Variants in ATP2A2 observed in about 807,000 individuals in gnomAD.
ATP2A2 encodes sarcoplasmic/endoplasmic reticulum calcium ATPase 2.
A neutral mutation model predicts 109.3 loss-of-function variants in ATP2A2; 14 were observed. The observed-to-expected ratio is 0.13, with a 90% CI of 0.08 to 0.20. ATP2A2 has a LOEUF of 0.20. ATP2A2 is among the 10% of genes least tolerant of loss of function. ATP2A2 has a pLI of 1.00. For synonymous variants in ATP2A2, 506 were observed against 490.9 expected, an observed-to-expected ratio of 1.03 and a Z score of -0.41; for missense variants, 657 against 1,321.6, an observed-to-expected ratio of 0.50 and a Z score of 7.80.
chr12:110,348,866 A>T lies in ATP2A2; in HGVS notation c.*2396A>T. The T allele has an allele frequency of 1.4e-5, 14 of 985,446 alleles. No homozygotes were observed. Among genetic ancestry groups the T allele is most frequent in the Non-Finnish European group, 1.7e-5 (14 of 829,956 alleles). The allele number at this position is 985,446 out of a possible 1,614,324, so 61.0% of individuals were successfully genotyped here. ...AACAAGAAATGGGTTGAATGGGCCA[A>T]ATGCAAGGAGTGCATCTCTGGGCTG... On this transcript the variant is annotated 3_prime_UTR_variant, in exon 20 of 20. Transcript: ENST00000539276.
chr12:110,281,716 C>A lies in ATP2A2; in HGVS notation c.-74C>A, dbSNP rs1872104831. On this transcript the variant is annotated 5_prime_UTR_variant, in exon 1 of 20. Coordinates refer to ENST00000539276, the MANE Select transcript of ATP2A2 (RefSeq NM_170665.4). The stretch of plus-strand genomic sequence containing the variant: ...CCTGGGCTCCCGGGGTGGCACGAGC[C>A]CGCGGCCGGAGTGCGAGGCGGAGGC... 9.0e-7 allele frequency: 1 copy of A among 1,111,338 alleles called. No individual in the cohort carries two copies. Among genetic ancestry groups the A allele is most frequent in the Non-Finnish European group, 1.2e-6 (1 of 832,504 alleles). 68.8% of individuals were successfully genotyped at this position (1,111,338 alleles called of 1,614,324 possible). A position where few individuals can be genotyped will look rare whatever the true frequency, so the allele number is the denominator to read the frequency against.
At chr12:110,345,039 T>C in intron 17 of ATP2A2, 68 bp downstream of exon 17, 1 of 1,549,636 alleles carries the variant, frequency 6.5e-7, no homozygotes, top group Non-Finnish European at 8.9e-7. Flanking sequence ...TTTCTGTGGT[T>C]TCGGTATCTA....
intron 5 of ATP2A2, among the ~76,000 whole-genome samples, chr12:110,322,756 T>C (rs1183052593): frequency 6.6e-6 from 1 of 152,210 alleles, no homozygotes; most frequent in East Asian, 1.9e-4. Flanking sequence ...ATAATGTAGT[T>C]AGGTTTCCTT....
chr12:110,350,479 G>C lies in ATP2A2; in HGVS notation c.*4009G>C. ...GGAAATGTGTATTACCAATGGGGTT[G>C]TTAGCTTTTAAATCAAAATACTGAT... is the stretch of plus-strand genomic sequence containing the variant. On this transcript the variant is annotated 3_prime_UTR_variant, in exon 20 of 20. Transcript: ENST00000539276. The C allele has an allele frequency of 1.0e-6, 1 of 993,932 alleles. No individual in the cohort carries two copies. 61.6% of individuals were successfully genotyped at this position (993,932 alleles called of 1,614,324 possible).
chr12:110,297,360 T>C (rs1874069837), intron 5 of ATP2A2, among the ~76,000 whole-genome samples: 1 of 144,792 alleles, frequency 6.9e-6, no homozygotes, highest in Admixed American at 7.3e-5. Flanking sequence ...CGCTTGAACC[T>C]GGGAGGCGGA....
chr12:110,322,891 CATTT>C, intron 5 of ATP2A2, 97 bp from the exon 6 acceptor site: 1 of 871,780 alleles, frequency 1.1e-6, no homozygotes, highest in East Asian at 2.5e-5. Flanking sequence ...ATATGCAGAT[CATTT>C]ATTTTCTTTA....
At chr12:110,294,178 G>C (rs1265932283) in intron 4 of ATP2A2, among the ~76,000 whole-genome samples, 1 of 151,874 alleles carries the variant, frequency 6.6e-6, no homozygotes, top group Non-Finnish European at 1.5e-5. Flanking sequence ...CGAATAGCTG[G>C]GATTACAGGT....
At chr12:110,284,559 G>A (rs539993739) in intron 3 of ATP2A2, among the ~76,000 whole-genome samples, 1 of 152,244 alleles carries the variant, frequency 6.6e-6, no homozygotes, top group South Asian at 2.1e-4. Context: ...AATGATGTGT[G>A]TGGGTTTTGT....
chr12:110,334,354 G>C (rs954222509), intron 11 of ATP2A2: 1 of 651,132 alleles, frequency 1.5e-6, no homozygotes, highest in Non-Finnish European at 2.6e-6. Context: ...TAATTTCCTT[G>C]AGCGACCCTC....
intron 8 of ATP2A2, chr12:110,329,716 C>G (rs1268531409): frequency 6.6e-6 from 1 of 152,182 alleles, no homozygotes; most frequent in African/African-American, 2.4e-5. Context: ...GCCCCCGCGC[C>G]CGGCCATCCT....
chr12:110,345,101 G>A, intron 17 of ATP2A2, 130 bp downstream of exon 17: 1 of 1,496,278 alleles, frequency 6.7e-7, no homozygotes, highest in Non-Finnish European at 9.3e-7. Context: ...AGATGATTCT[G>A]AAGGACCAGG....
In ATP2A2 at chr12:110,281,716, C is replaced by T; in HGVS notation, c.-74C>T. The stretch of plus-strand genomic sequence containing the variant: ...CCTGGGCTCCCGGGGTGGCACGAGC[C>T]CGCGGCCGGAGTGCGAGGCGGAGGC... On this transcript the variant is annotated 5_prime_UTR_variant, in exon 1 of 20. Coordinates refer to ENST00000539276, the MANE Select transcript of ATP2A2 (RefSeq NM_170665.4). The T allele has an allele frequency of 9.0e-7, 1 of 1,111,342 alleles. No homozygotes were observed. 68.8% of individuals were successfully genotyped at this position (1,111,342 alleles called of 1,614,324 possible).
At position 110,339,085 on chromosome 12, in the gene ATP2A2, T is replaced by C. The variant is rs1879113891; in HGVS notation, c.1420-196T>C. Reference sequence around the variant, plus strand: ...TCTATCCCCCTTCCCTTTTTCTCTATAGCACTTGTGTTACTTTTGCATCTT... The same window carrying C: ...TCTATCCCCCTTCCCTTTTTCTCTACAGCACTTGTGTTACTTTTGCATCTT... On this transcript the variant is annotated intron_variant, in intron 11 of 19. Coordinates refer to ENST00000539276, the MANE Select transcript of ATP2A2 (RefSeq NM_170665.4). The surrounding 1 kb of genome is among the most constrained non-coding windows in gnomAD (Gnocchi z 4.4). 6.6e-6 allele frequency among the ~76,000 whole-genome samples: 1 copy of C among 152,216 alleles called. No individual in the cohort carries two copies. Among genetic ancestry groups the C allele is most frequent in the South Asian group, 2.1e-4 (1 of 4,834 alleles).
chr12:110,309,510 C>CTG (rs1410926150), intron 5 of ATP2A2, among the ~76,000 whole-genome samples: 2 of 152,090 alleles, frequency 1.3e-5, no homozygotes, highest in Non-Finnish European at 2.9e-5. Context: ...CAAAGAGAAA[C>CTG]TGGGTAAGCA....
At chr12:110,318,371 C>A (rs1876885792) in intron 5 of ATP2A2, among the ~76,000 whole-genome samples, 1 of 152,158 alleles carries the variant, frequency 6.6e-6, no homozygotes, top group African/African-American at 2.4e-5. Flanking sequence ...TTAGAGAAGG[C>A]TACTTTTACT....
At chr12:110,282,520 A>G in intron 1 of ATP2A2, 84 bp from the exon 2 acceptor site, 1 of 1,542,326 alleles carries the variant, frequency 6.5e-7, no homozygotes, top group African/African-American at 1.4e-5. Flanking sequence ...TCTTTTTAGA[A>G]AAACGAAGTG....
At chr12:110,293,385 T>TTTGTTTGTTTG (rs1555276963) in intron 4 of ATP2A2, among the ~76,000 whole-genome samples, 1 of 114,362 alleles carries the variant, frequency 8.7e-6, no homozygotes, top group African/African-American at 3.8e-5. Context: ...TTTTTTTTTT[T>TTTGTTTGTTTG]TTTGTTTGTT....
Position 110,342,597 on chromosome 12 carries a change from A to G in ATP2A2, c.2318+149A>G. The G allele has an allele frequency of 1.0e-6, 1 of 966,160 alleles. No individual in the cohort carries two copies. Among genetic ancestry groups the G allele is most frequent in the Non-Finnish European group, 1.6e-6 (1 of 623,730 alleles). 59.8% of individuals were successfully genotyped at this position (966,160 alleles called of 1,614,324 possible). On this transcript the variant is annotated intron_variant, in intron 15 of 19. Coordinates refer to ENST00000539276, the MANE Select transcript of ATP2A2 (RefSeq NM_170665.4). The surrounding 1 kb of genome is among the most constrained non-coding windows in gnomAD (Gnocchi z 4.6). ...GGAGTGGGCAAGACAGAAATGCCTTATGGAAGCAGTGGTGCTTTGGCCCTC... is the reference window on the plus strand; with the variant it reads ...GGAGTGGGCAAGACAGAAATGCCTTGTGGAAGCAGTGGTGCTTTGGCCCTC...
intron 5 of ATP2A2, among the ~76,000 whole-genome samples, chr12:110,313,189 C>T (rs1209335962): frequency 1.3e-5 from 2 of 152,032 alleles, no homozygotes; most frequent in African/African-American, 4.8e-5. Flanking sequence ...CACCTCCTCT[C>T]TACTCCCCAT....
Sources: allele counts gnomAD v4.1 joint callset (sites outside exome capture counted in the v4.1 genomes callset), GRCh38; gene constraint gnomAD v4.1.1; non-coding constraint Gnocchi (gnomAD v3.1); transcripts MANE v1.5; gene names NCBI Gene and HGNC (gene_info 2026-07-23, HGNC 2026-07-21).